The following ARL15 variants were observed in gnomAD, a reference collection of about 807,000 sequenced individuals.
ARL15 encodes the protein ADP-ribosylation factor-like protein 15.
ARL15 carries 19 observed loss-of-function variants against 25.2 expected under a neutral mutation model. The observed-to-expected ratio is 0.75, with a 90% CI of 0.53 to 1.10. The LOEUF (loss-of-function observed/expected upper bound fraction) is 1.10. ARL15 is among the 50% of genes least tolerant of loss of function. The pLI is 0.00. For missense variants in ARL15, 220 were observed against 246.0 expected (o/e 0.89, Z 0.71); for synonymous variants, 94 against 86.8 (o/e 1.08, Z -0.46).
chr5:53,910,494 AG>A (rs1368967179), intron 4 of ARL15, among the ~76,000 whole-genome samples: 1 of 151,966 alleles, frequency 6.6e-6, no homozygotes, highest in Non-Finnish European at 1.5e-5. Flanking sequence ...TGTCTTCTAT[AG>A]AAAACATCTT....
rs115263113 is a variant in ARL15 at position 54,264,001 on chromosome 5, A to G, written c.48+46431T>C. 9.8e-3 allele frequency among the ~76,000 whole-genome samples: 1,486 copies of G among 152,244 alleles called. 26 individuals carry two copies. Among genetic ancestry groups the G allele is most frequent in the African/African-American group, 0.034 (1,393 of 41,544 alleles). On this transcript the variant is annotated intron_variant, in intron 1 of 4. Coordinates refer to ENST00000504924, the MANE Select transcript of ARL15 (RefSeq NM_019087.3). ...TTTTACCTCTACCAACTCCTTCAGT[A>G]TATCACAGAATACCTGATTGCTGAA...
intron 4 of ARL15, among the ~76,000 whole-genome samples, chr5:54,029,333 T>TACC (rs34152775): frequency 0.029 from 2,751 of 94,542 alleles, 76 homozygotes; most frequent in Middle Eastern, 0.076. Context: ...CCACCACCAC[T>TACC]ACCACCACCA....
intron 1 of ARL15, among the ~76,000 whole-genome samples, chr5:54,261,553 CAA>C (rs529725614): frequency 7.3e-6 from 1 of 137,892 alleles, no homozygotes; most frequent in African/African-American, 2.6e-5. Context: ...ACTAAATATG[CAA>C]AAAAAAAAAG....
intron 1 of ARL15, among the ~76,000 whole-genome samples, chr5:54,255,618 C>T (rs1757343607): frequency 6.6e-6 from 1 of 152,110 alleles, no homozygotes; most frequent in African/African-American, 2.4e-5. Flanking sequence ...CTGAAACGCT[C>T]CAAAATCCAA....
chr5:54,149,140 A>G (rs111739897), intron 3 of ARL15, among the ~76,000 whole-genome samples: 9 of 152,354 alleles, frequency 5.9e-5, no homozygotes, highest in African/African-American at 1.9e-4. Context: ...TAATGCGGTT[A>G]AAGTACATAA....
intron 4 of ARL15, among the ~76,000 whole-genome samples, chr5:53,948,702 AC>A (rs1333358280): frequency 2.0e-5 from 3 of 152,232 alleles, no homozygotes; most frequent in Non-Finnish European, 2.9e-5. Flanking sequence ...ATATATTTTA[AC>A]ACTTTTCATT....
intron 1 of ARL15, among the ~76,000 whole-genome samples, chr5:54,202,974 G>C (rs1755763718): frequency 1.3e-5 from 2 of 152,026 alleles, no homozygotes; most frequent in Admixed American, 6.6e-5. Flanking sequence ...CCATTATAAG[G>C]ATAGAAAAAG....
intron 4 of ARL15, among the ~76,000 whole-genome samples, chr5:53,895,171 T>C (rs1196412970): frequency 6.6e-6 from 1 of 152,204 alleles, no homozygotes; most frequent in Non-Finnish European, 1.5e-5. Flanking sequence ...CAAGGAGTGC[T>C]TGGGAGGAGC....
At chr5:54,156,376 G>A (rs755297794) in intron 2 of ARL15, among the ~76,000 whole-genome samples, 1 of 152,174 alleles carries the variant, frequency 6.6e-6, no homozygotes, top group Non-Finnish European at 1.5e-5. Context: ...CTACTTCATA[G>A]GGTTGTTATA....
chr5:54,038,657 T>G (rs1342671914), intron 4 of ARL15, among the ~76,000 whole-genome samples: 2 of 152,092 alleles, frequency 1.3e-5, no homozygotes, highest in African/African-American at 4.8e-5. Flanking sequence ...CATGTAAGAT[T>G]AAGTGATAAA....
chr5:54,307,733 G>A (rs1264291640), intron 1 of ARL15, among the ~76,000 whole-genome samples: 2 of 152,020 alleles, frequency 1.3e-5, no homozygotes, highest in South Asian at 2.1e-4. Flanking sequence ...GTTAAGTGAC[G>A]ACATCCAGCC....
intron 4 of ARL15, among the ~76,000 whole-genome samples, chr5:54,089,430 T>C (rs142501626): frequency 4.6e-5 from 7 of 152,202 alleles, no homozygotes; most frequent in South Asian, 2.1e-4. Context: ...AAAAATCACA[T>C]AATCCTCCCC....
At chr5:53,979,133 A>T (rs1748038838) in intron 4 of ARL15, among the ~76,000 whole-genome samples, 1 of 152,208 alleles carries the variant, frequency 6.6e-6, no homozygotes. Flanking sequence ...GAAGTGAGTG[A>T]ACCTGCTCTG....
At chr5:53,954,684 C>T (rs2112128568) in intron 4 of ARL15, among the ~76,000 whole-genome samples, 1 of 152,262 alleles carries the variant, frequency 6.6e-6, no homozygotes, top group Non-Finnish European at 1.5e-5. Context: ...AAATATTTTA[C>T]ATAAATAGAC....
At chr5:54,093,101 C>T (rs1051572184) in intron 4 of ARL15, among the ~76,000 whole-genome samples, 15 of 152,074 alleles carry the variant, frequency 9.9e-5, no homozygotes, top group African/African-American at 3.6e-4. Flanking sequence ...AAACACAAAG[C>T]CATGCTTTGA....
At chr5:54,265,084 G>T (rs986326765) in intron 1 of ARL15, among the ~76,000 whole-genome samples, 1 of 148,382 alleles carries the variant, frequency 6.7e-6, no homozygotes, top group Non-Finnish European at 1.5e-5. Context: ...TTGCCCCAAG[G>T]TCATCTTTTT....
rs1757682381 is a variant in ARL15 at position 54,268,316 on chromosome 5, A to C, written c.48+42116T>G. 5.3e-5 allele frequency among the ~76,000 whole-genome samples: 8 copies of C among 152,182 alleles called. 2 individuals are homozygous for C. In the South Asian group the frequency reaches 1.7e-3, roughly 32 times the overall value. On this transcript the variant is annotated intron_variant, in intron 1 of 4. Transcript: ENST00000504924. Reference sequence around the variant, plus strand: ...TTCTCGAGCCTTGGCTTTCAGCTCCATCAGCTCCTTTAAGCACTTCTCTGT... The same window carrying C: ...TTCTCGAGCCTTGGCTTTCAGCTCCCTCAGCTCCTTTAAGCACTTCTCTGT...
At chr5:54,298,099 A>T (rs1490565868) in intron 1 of ARL15, among the ~76,000 whole-genome samples, 4 of 152,090 alleles carry the variant, frequency 2.6e-5, no homozygotes, top group African/African-American at 9.7e-5. Flanking sequence ...TCTACTTTCT[A>T]TGTGCCCTTC....
At chr5:53,963,744 G>A (rs1747447107) in intron 4 of ARL15, among the ~76,000 whole-genome samples, 1 of 151,274 alleles carries the variant, frequency 6.6e-6, no homozygotes, top group Admixed American at 6.6e-5. Context: ...GGAGGTGGAG[G>A]TTGCAATGAG....
Sources: allele counts gnomAD v4.1 joint callset (sites outside exome capture counted in the v4.1 genomes callset), GRCh38; gene constraint gnomAD v4.1.1; transcripts MANE v1.5; gene names NCBI Gene and HGNC (gene_info 2026-07-23, HGNC 2026-07-21).